Variants in CDH12 observed in about 807,000 individuals in gnomAD.
The protein encoded by CDH12 is cadherin 12.
CDH12 carries 41 observed loss-of-function variants against 74.1 expected under a neutral mutation model. That is an observed-to-expected ratio of 0.55 (90% CI 0.43 to 0.72). The LOEUF (loss-of-function observed/expected upper bound fraction) is 0.72, where lower values mean the gene tolerates loss of function less well. CDH12 is among the 30% of genes least tolerant of loss of function. CDH12 has a pLI of 0.00. For missense variants in CDH12, 945 were observed against 977.2 expected, an observed-to-expected ratio of 0.97 and a Z score of 0.44; for synonymous variants, 399 against 355.0, an observed-to-expected ratio of 1.12 and a Z score of -1.39.
chr5:22,485,391 A>G (rs1028309803), intron 2 of CDH12, among the ~76,000 whole-genome samples: 1 of 152,224 alleles, frequency 6.6e-6, no homozygotes, highest in Admixed American at 6.5e-5. Flanking sequence ...GGTCCTTGCT[A>G]TGTTGCCCAA....
At chr5:22,062,156 A>G (rs556924480) in intron 5 of CDH12, among the ~76,000 whole-genome samples, 18 of 152,246 alleles carry the variant, frequency 1.2e-4, no homozygotes, top group African/African-American at 3.9e-4. Flanking sequence ...AAGATAGTTG[A>G]ACTTCATTCA....
intron 4 of CDH12, among the ~76,000 whole-genome samples, chr5:22,192,517 G>A (rs1017795119): frequency 3.9e-5 from 6 of 152,160 alleles, no homozygotes; most frequent in African/African-American, 9.6e-5. Flanking sequence ...AAGGAGAAGA[G>A]CAGACACATT....
At chr5:22,636,391 A>C (rs562672471) in intron 1 of CDH12, among the ~76,000 whole-genome samples, 2 of 152,306 alleles carry the variant, frequency 1.3e-5, no homozygotes, top group African/African-American at 4.8e-5. Context: ...CATTATTTAT[A>C]ATAATTAAAA....
intron 5 of CDH12, among the ~76,000 whole-genome samples, chr5:22,053,735 G>A (rs969695606): frequency 6.6e-6 from 1 of 152,046 alleles, no homozygotes; most frequent in East Asian, 1.9e-4. Context: ...AACACTCGAT[G>A]ATAGGTGTAA....
chr5:22,706,743 T>C (rs2126967834), intron 1 of CDH12, among the ~76,000 whole-genome samples: 1 of 152,278 alleles, frequency 6.6e-6, no homozygotes, highest in South Asian at 2.1e-4. Context: ...ACATTAAATT[T>C]CCATATTTGA....
intron 2 of CDH12, among the ~76,000 whole-genome samples, chr5:22,421,307 T>C (rs1561391023): frequency 6.6e-6 from 1 of 152,130 alleles, no homozygotes; most frequent in Non-Finnish European, 1.5e-5. Context: ...TCATCTACAT[T>C]AGGTATTTCT....
At chr5:22,661,675 G>T (rs1740356067) in intron 1 of CDH12, among the ~76,000 whole-genome samples, 1 of 151,970 alleles carries the variant, frequency 6.6e-6, no homozygotes, top group African/African-American at 2.4e-5. Flanking sequence ...ATTTAAGATT[G>T]TTAAATAAAT....
intron 3 of CDH12, among the ~76,000 whole-genome samples, chr5:22,361,371 A>C (rs1740793472): frequency 6.6e-6 from 1 of 152,222 alleles, no homozygotes; most frequent in East Asian, 1.9e-4. Flanking sequence ...CCCACTTACA[A>C]GGGATGTGAA....
intron 1 of CDH12, among the ~76,000 whole-genome samples, chr5:22,613,721 G>C (rs1470787001): frequency 1.3e-5 from 2 of 152,114 alleles, no homozygotes; most frequent in Non-Finnish European, 2.9e-5. Context: ...GCAAGGAAGA[G>C]AGTGAATGCA....
At chr5:22,145,927 C>T (rs1219174058) in intron 4 of CDH12, among the ~76,000 whole-genome samples, 3 of 152,016 alleles carry the variant, frequency 2.0e-5, no homozygotes, top group African/African-American at 4.8e-5. Flanking sequence ...CAATTCAGTG[C>T]CTTGCAATAG....
intron 6 of CDH12, among the ~76,000 whole-genome samples, chr5:21,934,114 C>CCA (rs151001261): frequency 1.3e-5 from 2 of 151,436 alleles, no homozygotes; most frequent in African/African-American, 4.9e-5. Context: ...TTACACACAC[C>CCA]CACACACACA....
chr5:22,185,656 G>C (rs570725929), intron 4 of CDH12, among the ~76,000 whole-genome samples: 34 of 152,250 alleles, frequency 2.2e-4, no homozygotes, highest in Non-Finnish European at 3.7e-4. Context: ...GTGCTTATTT[G>C]TCATAAGGTA....
intron 6 of CDH12, among the ~76,000 whole-genome samples, chr5:21,881,814 A>G (rs1752368975): frequency 6.6e-6 from 1 of 152,162 alleles, no homozygotes; most frequent in African/African-American, 2.4e-5. Flanking sequence ...CTTGCCTAAG[A>G]TCAGATATGC....
At chr5:22,259,198 T>G (rs1753427805) in intron 3 of CDH12, among the ~76,000 whole-genome samples, 1 of 152,126 alleles carries the variant, frequency 6.6e-6, no homozygotes, top group Non-Finnish European at 1.5e-5. Flanking sequence ...TTCACCCAGA[T>G]AGTATGAGAA....
At chr5:22,801,810 T>C (rs1284742374) in intron 1 of CDH12, among the ~76,000 whole-genome samples, 1 of 151,418 alleles carries the variant, frequency 6.6e-6, no homozygotes, top group Non-Finnish European at 1.5e-5. Context: ...CTGGTATCAC[T>C]ATAGTGTTTA....
intron 6 of CDH12, among the ~76,000 whole-genome samples, chr5:21,914,121 T>A (rs1753983656): frequency 6.6e-6 from 1 of 152,176 alleles, no homozygotes; most frequent in Non-Finnish European, 1.5e-5. Context: ...TTCAGTCTCC[T>A]AAGATGGCAT....
intron 1 of CDH12, among the ~76,000 whole-genome samples, chr5:22,608,027 C>A (rs1043065934): frequency 3.9e-5 from 6 of 152,150 alleles, no homozygotes; most frequent in Admixed American, 2.6e-4. Context: ...GGGTTGGAGC[C>A]CCACACAGAG....
intron 8 of CDH12, among the ~76,000 whole-genome samples, chr5:21,827,986 A>G (rs1225124738): frequency 3.3e-5 from 5 of 152,166 alleles, no homozygotes; most frequent in African/African-American, 9.7e-5. Flanking sequence ...GATCCATTTA[A>G]CAATATATGG....
At chr5:22,505,392 A>T (rs1159755182) in intron 1 of CDH12, 28 bp from the exon 2 acceptor site, 16 of 703,716 alleles carry the variant, frequency 2.3e-5, no homozygotes, top group Non-Finnish European at 2.8e-5. Flanking sequence ...TACAGTCAGA[A>T]TGTTAACTAT....
Sources: gnomAD v4.1 joint callset for allele counts (sites outside exome capture counted in the v4.1 genomes callset) on GRCh38, gnomAD v4.1.1 for gene constraint, MANE v1.5 for transcripts, NCBI Gene and HGNC (gene_info 2026-07-23, HGNC 2026-07-21) for gene names.